PLBD1: variants seen among roughly 807,000 people sequenced by gnomAD.
PLBD1 encodes the protein lysosomal leucine aminopeptidase.
PLBD1 carries 60 observed loss-of-function variants against 63.0 expected under a neutral mutation model. The ratio of observed to expected loss-of-function variants is 0.95; its 90% CI spans 0.77 to 1.18. The LOEUF (loss-of-function observed/expected upper bound fraction) is 1.18, where lower values mean the gene tolerates loss of function less well. PLBD1 is among the 50% of genes most tolerant of loss of function. PLBD1 has a pLI of 0.00. For synonymous variants in PLBD1, 262 were observed against 248.0 expected, an observed-to-expected ratio of 1.06 and a Z score of -0.53; for missense variants, 598 against 677.9, an observed-to-expected ratio of 0.88 and a Z score of 1.31.
intron 1 of PLBD1, among the ~76,000 whole-genome samples, chr12:14,560,241 T>A (rs1384709217): frequency 6.6e-6 from 1 of 152,218 alleles, no homozygotes; most frequent in African/African-American, 2.4e-5. Flanking sequence ...TATAAAATAC[T>A]CATAAGTAGC....
intron 1 of PLBD1, among the ~76,000 whole-genome samples, chr12:14,566,978 C>A (rs1412291519): frequency 6.6e-6 from 1 of 151,912 alleles, no homozygotes; most frequent in East Asian, 1.9e-4. Context: ...GCCTGTAATC[C>A]CAGCTACTTG....
At chr12:14,531,413 T>C (rs2136917155) in intron 6 of PLBD1, among the ~76,000 whole-genome samples, 1 of 152,326 alleles carries the variant, frequency 6.6e-6, no homozygotes, top group South Asian at 2.1e-4. Flanking sequence ...TCTACCACTC[T>C]ACCTGTGAAT....
At chr12:14,540,129 T>TATATATATATATATATAC in intron 4 of PLBD1, among the ~76,000 whole-genome samples, 1 of 137,102 alleles carries the variant, frequency 7.3e-6, no homozygotes. Flanking sequence ...TATATATATA[T>TATATATATATATATATAC]ATACTGGCAA....
intron 1 of PLBD1, among the ~76,000 whole-genome samples, chr12:14,567,096 A>G (rs1418869427): frequency 6.6e-6 from 1 of 152,160 alleles, no homozygotes; most frequent in African/African-American, 2.4e-5. Context: ...CTCTGTCTCA[A>G]CAACAACAAC....
At chr12:14,519,007 T>C (rs1473325563) in intron 6 of PLBD1, among the ~76,000 whole-genome samples, 1 of 152,142 alleles carries the variant, frequency 6.6e-6, no homozygotes, top group Admixed American at 6.5e-5. Flanking sequence ...TGAGTGATTT[T>C]CCCACAAATA....
intron 6 of PLBD1, among the ~76,000 whole-genome samples, chr12:14,535,184 A>G (rs186171633): frequency 5.1e-4 from 78 of 152,346 alleles, no homozygotes; most frequent in African/African-American, 1.8e-3. Context: ...TGTAAGGTTT[A>G]TAAACTTACA....
intron 4 of PLBD1, among the ~76,000 whole-genome samples, chr12:14,540,013 C>CATATAT (rs58124579): frequency 5.3e-4 from 12 of 22,766 alleles, no homozygotes; most frequent in Admixed American, 1.5e-3. Context: ...AAGCTATGCA[C>CATATAT]ATATATATAT....
intron 6 of PLBD1, 46 bp downstream of exon 6, chr12:14,535,613 A>G (rs1344597688): frequency 1.9e-6 from 3 of 1,600,108 alleles, no homozygotes; most frequent in Non-Finnish European, 2.6e-6. Context: ...GGTTTTATCC[A>G]GGAATAGTAC....
chr12:14,559,577 C>T (rs1336169491), intron 1 of PLBD1, among the ~76,000 whole-genome samples: 1 of 152,140 alleles, frequency 6.6e-6, no homozygotes, highest in Non-Finnish European at 1.5e-5. Context: ...TAAGTCTACC[C>T]AGCCCCAAGA....
intron 4 of PLBD1, among the ~76,000 whole-genome samples, chr12:14,540,013 CATATATATATATATAT>C (rs58124579): frequency 2.6e-4 from 6 of 22,780 alleles, no homozygotes; most frequent in African/African-American, 5.9e-4. Context: ...AAGCTATGCA[CATATATATATATATAT>C]ATATATATAT....
intron 1 of PLBD1, among the ~76,000 whole-genome samples, chr12:14,559,690 A>G (rs1331839336): frequency 1.3e-5 from 2 of 152,188 alleles, no homozygotes; most frequent in Non-Finnish European, 2.9e-5. Flanking sequence ...ACTTGATTAA[A>G]TATCTGTTGA....
At chr12:14,526,810 T>C (rs1409378872) in intron 6 of PLBD1, among the ~76,000 whole-genome samples, 3 of 151,872 alleles carry the variant, frequency 2.0e-5, no homozygotes, top group Admixed American at 2.0e-4. Flanking sequence ...CCATCTCTAC[T>C]AAAAATACAA....
chr12:14,504,027 A>C, intron 10 of PLBD1, 73 bp from the exon 11 acceptor site: 1 of 1,349,816 alleles, frequency 7.4e-7, no homozygotes, highest in African/African-American at 1.5e-5. Flanking sequence ...GGCCTTCCCC[A>C]CTCTCCCACT....
At chr12:14,555,462 G>A (rs1171364753) in intron 1 of PLBD1, among the ~76,000 whole-genome samples, 2 of 152,132 alleles carry the variant, frequency 1.3e-5, no homozygotes, top group South Asian at 2.1e-4. Context: ...GCTTGAACCC[G>A]GGAGGCAGAG....
At chr12:14,528,316 TAG>T (rs1945432432) in intron 6 of PLBD1, among the ~76,000 whole-genome samples, 1 of 152,164 alleles carries the variant, frequency 6.6e-6, no homozygotes, top group Admixed American at 6.5e-5. Context: ...TTCATTGAGA[TAG>T]ACTCATGCTG....
At chr12:14,528,708 A>T (rs140882655) in intron 6 of PLBD1, among the ~76,000 whole-genome samples, 152 of 152,222 alleles carry the variant, frequency 1.0e-3, no homozygotes, top group African/African-American at 3.4e-3. Flanking sequence ...AGTAAGTAGA[A>T]GAAAGAAAAT....
At position 14,511,282 on chromosome 12, in the gene PLBD1, T is replaced by C; in HGVS notation, c.1164A>G (p.Glu388=). Residue 388 remains glutamate, a synonymous_variant, in exon 8 of 11, where the codon GAA becomes GAG. Coordinates refer to ENST00000240617, the MANE Select transcript of PLBD1 (RefSeq NM_024829.6). The stretch of plus-strand genomic sequence containing the variant: ...TACCTTTCCGTAGAACATCAGTTTG[T>C]TCAGAATATTCTACATATGTAGGAA... ...EQIPTYVEYS[E]QTDVLRKGYW... 6.2e-7 allele frequency: 1 copy of C among 1,600,804 alleles called. No individual in the cohort carries two copies. The highest frequency in any genetic ancestry group is 8.5e-7 in the Non-Finnish European group (1 of 1,176,102).
In PLBD1 at chr12:14,533,992, T is replaced by A. The variant is rs534823886; in HGVS notation, c.844+1667A>T. Among the ~76,000 whole-genome samples the A allele has an allele frequency of 5.9e-5, 9 of 152,154 alleles. No individual in the cohort carries two copies. In the East Asian group the frequency reaches 9.7e-4, roughly 16 times the overall value. On this transcript the variant is annotated intron_variant, in intron 6 of 10. Coordinates refer to ENST00000240617, the MANE Select transcript of PLBD1 (RefSeq NM_024829.6). ...GATCCCATCTCCATAAAACATTTTT[T>A]AAAAAATTAGTCAGGCATGGTGATG...
chr12:14,533,436 AT>A (rs2136918725), intron 6 of PLBD1, among the ~76,000 whole-genome samples: 1 of 152,346 alleles, frequency 6.6e-6, no homozygotes, highest in Non-Finnish European at 1.5e-5. Flanking sequence ...CTACTTGTGT[AT>A]CTCATCTGGA....
Sources: allele counts gnomAD v4.1 joint callset (sites outside exome capture counted in the v4.1 genomes callset), GRCh38; gene constraint gnomAD v4.1.1; transcripts MANE v1.5; gene names NCBI Gene and HGNC (gene_info 2026-07-23, HGNC 2026-07-21).